The following CFAP92 variants were observed in gnomAD, a reference collection of about 807,000 sequenced individuals.
The protein encoded by CFAP92 is uncharacterized protein CFAP92.
Under a neutral mutation model 106.3 loss-of-function variants are expected in CFAP92, and 86 were observed. The observed-to-expected ratio is 0.81, with a 90% CI of 0.68 to 0.97. The LOEUF (loss-of-function observed/expected upper bound fraction) is 0.97, where lower values mean the gene tolerates loss of function less well. CFAP92 is among the 50% of genes least tolerant of loss of function. The pLI, the probability that CFAP92 is intolerant of heterozygous loss-of-function variation, is 0.00. For missense variants in CFAP92, 1,204 were observed against 1,283.8 expected (o/e 0.94, Z 0.95); for synonymous variants, 477 against 506.4 (o/e 0.94, Z 0.78).
upstream of CFAP92, among the ~76,000 whole-genome samples, chr3:128,994,887 C>A (rs1466072232): frequency 6.6e-6 from 1 of 152,122 alleles, no homozygotes; most frequent in African/African-American, 2.4e-5. Flanking sequence ...GAGAAAGCAT[C>A]CCAGGTAGAG....
At chr3:128,999,760 C>T (rs564986878) in intron 1 of CFAP92, among the ~76,000 whole-genome samples, 18 of 151,952 alleles carry the variant, frequency 1.2e-4, no homozygotes, top group Non-Finnish European at 2.2e-4. Context: ...CCAGGCTGTT[C>T]TCGAACTCTT....
intron 15 of CFAP92, chr3:128,910,866 T>C (rs186196906): frequency 4.4e-6 from 7 of 1,586,758 alleles, no homozygotes; most frequent in African/African-American, 1.3e-5. Context: ...TAGGCCCCTA[T>C]TGATGGTGAG....
chr3:129,022,501 T>G, the CFAP92 span, among the ~76,000 whole-genome samples: 1 of 152,228 alleles, frequency 6.6e-6, no homozygotes, highest in African/African-American at 2.4e-5. Flanking sequence ...CTTGTCAGAT[T>G]GTATAAGCCC....
At chr3:128,965,396 T>G (rs1432783357) in intron 9 of CFAP92, 115 bp downstream of exon 9, 7 of 397,540 alleles carry the variant, frequency 1.8e-5, no homozygotes, top group Non-Finnish European at 3.1e-5. Context: ...CGGACCCGTA[T>G]GAGAATGACC....
At chr3:129,012,943 TC>T in the CFAP92 span, among the ~76,000 whole-genome samples, 1 of 152,202 alleles carries the variant, frequency 6.6e-6, no homozygotes, top group Non-Finnish European at 1.5e-5. Flanking sequence ...TGGATGGTTT[TC>T]TTTATTTAAG....
At chr3:128,998,804 T>A (rs913133339), upstream of CFAP92, among the ~76,000 whole-genome samples, 2 of 152,180 alleles carry the variant, frequency 1.3e-5, no homozygotes, top group Non-Finnish European at 2.9e-5. Flanking sequence ...AAGATCCCAA[T>A]GGCGCCCTTT....
rs1943279932 is a variant in CFAP92 at position 128,978,126 on chromosome 3, TG to T, written c.726del (p.Asn243ThrfsTer73). 6.2e-7 allele frequency: 1 copy of T among 1,613,894 alleles called. No homozygotes were observed. Among genetic ancestry groups the T allele is most frequent in the African/African-American group, 1.3e-5 (1 of 74,934 alleles). Reference sequence around the variant, plus strand: ...TGGTTCGACTCTTCTCTGACAATGTTGGTATTCTCAATGCCCTGTTCAGATA... The same window carrying T: ...TGGTTCGACTCTTCTCTGACAATGTTGTATTCTCAATGCCCTGTTCAGATA... ...RKLSEQGIEN[T>X]NIVREESNQE... On this transcript the variant is annotated frameshift_variant, in exon 5 of 16. Coordinates refer to ENST00000645291, the MANE Select transcript of CFAP92 (RefSeq NM_001394090.1). LOFTEE classifies it high-confidence loss of function.
At chr3:128,952,357 G>A (rs367576720) in intron 9 of CFAP92, among the ~76,000 whole-genome samples, 1 of 151,868 alleles carries the variant, frequency 6.6e-6, no homozygotes, top group South Asian at 2.1e-4. Flanking sequence ...AAACTCCTGG[G>A]CTCAAGTGAT....
At chr3:128,935,736 C>A (rs1938939691) in intron 10 of CFAP92, among the ~76,000 whole-genome samples, 1 of 151,962 alleles carries the variant, frequency 6.6e-6, no homozygotes, top group South Asian at 2.1e-4. Flanking sequence ...AACAAAAAAA[C>A]AAGCCCAGGC....
At chr3:128,966,477 G>T (rs140574481) in intron 8 of CFAP92, 1 of 152,286 alleles carries the variant, frequency 6.6e-6, no homozygotes, top group East Asian at 1.9e-4. Flanking sequence ...CACCAGGGTG[G>T]TTTTGCACTA....
Position 128,932,964 on chromosome 3 carries a change from G to A in CFAP92, c.2487C>T (p.Leu829=), listed in dbSNP as rs949289015. Residue 829 remains leucine (L), a synonymous_variant, in exon 12 of 16, where the codon CTC becomes CTT. Coordinates refer to ENST00000645291, the MANE Select transcript of CFAP92 (RefSeq NM_001394090.1). ...GCAGGTCCCTCACCGTCACGTCCCA[G>A]AGGGTGGTGCTGTTATAGCAGATGT... is the stretch of plus-strand genomic sequence containing the variant. The part of the protein sequence containing the change: ...IHDICYNSTT[L]WDVTVRDLLP... The A allele has an allele frequency of 9.8e-6, 15 of 1,536,144 alleles. No individual in the cohort carries two copies. The highest frequency in any genetic ancestry group is 1.3e-5 in the Non-Finnish European group (15 of 1,146,912).
Position 128,910,763 on chromosome 3 carries a change from G to A in CFAP92, c.3281-430C>T, listed in dbSNP as rs778558550. ...CAGGTTCTCTTGGCCAACACCTTCT[G>A]CGTGGAAGCTTACTTGCAGAATCTC... On this transcript the variant is annotated intron_variant, in intron 15 of 15. Coordinates refer to ENST00000645291, the MANE Select transcript of CFAP92 (RefSeq NM_001394090.1). The A allele has an allele frequency of 9.9e-6, 16 of 1,614,188 alleles. No individual in the cohort carries two copies. Among genetic ancestry groups the A allele is most frequent in the South Asian group, 3.3e-5 (3 of 91,082 alleles).
chr3:128,999,531 C>CTTTT lies in CFAP92; in HGVS notation n.117+3039_117+3042dup, dbSNP rs5852556. Among the ~76,000 whole-genome samples, 595 of 71,592 alleles carry CTTTT rather than the reference C, an allele frequency of 8.3e-3. 23 individuals are homozygous for CTTTT. Among genetic ancestry groups the CTTTT allele is most frequent in the Non-Finnish European group, 0.011 (460 of 40,860 alleles). The allele number at this position is 71,592 out of a possible 152,430, so 47.0% of individuals were successfully genotyped here. ...GGCTGACATGAAATAAAATCAGGTT[C>CTTTT]TTTTTTTTTTTTTTTTTTTTTTTTT... is the stretch of plus-strand genomic sequence containing the variant. On this transcript the variant is annotated intron_variant and non_coding_transcript_variant, in intron 1 of 4. Transcript: ENST00000510149.
chr3:128,993,341 C>T lies in CFAP92; in HGVS notation c.-32-5G>A, dbSNP rs755871174. On this transcript the variant is annotated splice_polypyrimidine_tract_variant and splice_region_variant and intron_variant, in intron 1 of 15. Transcript: ENST00000645291. Reference sequence around the variant, plus strand: ...CACTGCTGGCCGCCGGCGCTCCTGGCAGGGAGAAAGTGAAGGCTGTCCCCG... The same window carrying T: ...CACTGCTGGCCGCCGGCGCTCCTGGTAGGGAGAAAGTGAAGGCTGTCCCCG... 26 of 1,578,640 alleles carry T rather than the reference C, an allele frequency of 1.6e-5. No homozygotes were observed. The highest frequency in any genetic ancestry group is 2.2e-5 in the Non-Finnish European group (25 of 1,161,774).
intron 9 of CFAP92, among the ~76,000 whole-genome samples, chr3:128,962,424 T>C (rs1253708443): frequency 6.6e-6 from 1 of 152,118 alleles, no homozygotes; most frequent in Non-Finnish European, 1.5e-5. Context: ...TTATGCACTC[T>C]TTTTTAGTTA....
intron 2 of CFAP92, among the ~76,000 whole-genome samples, chr3:128,990,602 A>G (rs1329829808): frequency 6.6e-6 from 1 of 152,260 alleles, no homozygotes; most frequent in Non-Finnish European, 1.5e-5. Flanking sequence ...TCTCTGAAAT[A>G]AACAATTTAT....
At chr3:129,002,259 C>G (rs1207358636) in intron 1 of CFAP92, 2 of 1,531,026 alleles carry the variant, frequency 1.3e-6, no homozygotes, top group South Asian at 2.4e-5. Context: ...TAGCAGCTTG[C>G]GCGAGTTGGT....
At chr3:129,000,704 C>T (rs1165516554) in intron 1 of CFAP92, among the ~76,000 whole-genome samples, 11 of 152,246 alleles carry the variant, frequency 7.2e-5, no homozygotes, top group African/African-American at 2.7e-4. Context: ...AGCCAATCAT[C>T]GACCTGTTAA....
chr3:128,921,752 G>T (rs538867698), intron 12 of CFAP92, among the ~76,000 whole-genome samples: 1 of 152,166 alleles, frequency 6.6e-6, no homozygotes. Context: ...AACCTCTTTC[G>T]GGAAATGGGA....
Sources: gnomAD v4.1 joint callset for allele counts (sites outside exome capture counted in the v4.1 genomes callset) on GRCh38, gnomAD v4.1.1 for gene constraint, MANE v1.5 for transcripts, NCBI Gene and HGNC (gene_info 2026-07-23, HGNC 2026-07-21) for gene names.